TGFA: variants seen among roughly 807,000 people sequenced by gnomAD.
TGFA encodes the protein protransforming growth factor alpha.
A neutral mutation model predicts 21.7 loss-of-function variants in TGFA; 12 were observed. That is an observed-to-expected ratio of 0.55 (90% confidence interval 0.35 to 0.90). The LOEUF is 0.90. Among genes scored for constraint, TGFA ranks in the 40% least tolerant of loss-of-function variants. The probability of loss-of-function intolerance (pLI) is 0.01; values close to 1 mark genes in which losing one functional copy is unlikely to be tolerated. For synonymous variants in TGFA, 79 were observed against 88.1 expected, an observed-to-expected ratio of 0.90 and a Z score of 0.58; for missense variants, 178 against 210.8, an observed-to-expected ratio of 0.84 and a Z score of 0.96.
At chr2:70,505,404 T>C (rs913132182) in intron 2 of TGFA, among the ~76,000 whole-genome samples, 76 of 152,334 alleles carry the variant, frequency 5.0e-4, no homozygotes, top group African/African-American at 1.6e-3. Context: ...CTGGGCTGTT[T>C]CTTTAACAGG....
chr2:70,512,392 C>CG (rs1374425935), intron 2 of TGFA, among the ~76,000 whole-genome samples: 1 of 152,168 alleles, frequency 6.6e-6, no homozygotes, highest in Non-Finnish European at 1.5e-5. Context: ...GCAGCCAACC[C>CG]GGGGGGCTTG....
At chr2:70,525,700 C>A (rs137987353) in intron 1 of TGFA, among the ~76,000 whole-genome samples, 1 of 151,988 alleles carries the variant, frequency 6.6e-6, no homozygotes, top group South Asian at 2.1e-4. Flanking sequence ...GAGGAGTGGA[C>A]GGGGTGGTAC....
At chr2:70,518,172 C>T (rs782644873) in intron 1 of TGFA, among the ~76,000 whole-genome samples, 7 of 152,226 alleles carry the variant, frequency 4.6e-5, no homozygotes, top group Admixed American at 1.3e-4. Context: ...GGTCCTTGCC[C>T]GCCGCAGGCC....
At chr2:70,487,132 AC>A in intron 2 of TGFA, among the ~76,000 whole-genome samples, 1 of 152,344 alleles carries the variant, frequency 6.6e-6, no homozygotes, top group Non-Finnish European at 1.5e-5. Flanking sequence ...ACTTGAGAGA[AC>A]AGAAGAGTAC....
chr2:70,505,638 A>G (rs1317868023), intron 2 of TGFA, among the ~76,000 whole-genome samples: 1 of 152,102 alleles, frequency 6.6e-6, no homozygotes, highest in Non-Finnish European at 1.5e-5. Flanking sequence ...AAAAGACCCT[A>G]AAAGAGGGAT....
At chr2:70,531,872 G>A (rs1223273407) in intron 1 of TGFA, among the ~76,000 whole-genome samples, 3 of 152,162 alleles carry the variant, frequency 2.0e-5, no homozygotes, top group Non-Finnish European at 4.4e-5. Flanking sequence ...AAGGGCAAGA[G>A]GAAAGGTGAA....
chr2:70,532,188 A>G (rs1553503788), intron 1 of TGFA, among the ~76,000 whole-genome samples: 13 of 152,236 alleles, frequency 8.5e-5, no homozygotes, highest in Non-Finnish European at 4.4e-5. Flanking sequence ...CAGGTGATAA[A>G]CAGACCAGTT....
rs574238993 is a variant in TGFA, at chr2:70,449,309, C to T, written c.*1550G>A. The T allele has an allele frequency of 3.3e-5, 5 of 152,382 alleles. No homozygotes were observed. The South Asian group carries it at 6.2e-4, about 19-fold the overall frequency. 9.4% of individuals were successfully genotyped at this position (152,382 alleles called of 1,614,324 possible). A position where few individuals can be genotyped will look rare whatever the true frequency, so the allele number is the denominator to read the frequency against. The stretch of plus-strand genomic sequence containing the variant: ...TAACATATTTTAAATGTACCTTTCA[C>T]GATGTAATAAGCTAGGTGCACTTAA... On this transcript the variant is annotated 3_prime_UTR_variant, in exon 6 of 6. Coordinates refer to ENST00000295400, the MANE Select transcript of TGFA (RefSeq NM_003236.4).
chr2:70,492,864 C>T lies in TGFA; in HGVS notation c.94+21995G>A, dbSNP rs901345836. 2.6e-5 allele frequency among the ~76,000 whole-genome samples: 4 copies of T among 151,976 alleles called. No individual in the cohort carries two copies. The South Asian group carries it at 6.2e-4, about 24-fold the overall frequency. On this transcript the variant is annotated intron_variant, in intron 2 of 5. Coordinates refer to ENST00000295400, the MANE Select transcript of TGFA (RefSeq NM_003236.4). ...AAACAAAGGTGCCTTTCATGTTATTCCCTGATTAAAAAAAACTTTACATTT... is the reference window on the plus strand; with the variant it reads ...AAACAAAGGTGCCTTTCATGTTATTTCCTGATTAAAAAAAACTTTACATTT...
At chr2:70,540,281 T>G (rs1553505075) in intron 1 of TGFA, among the ~76,000 whole-genome samples, 1 of 152,204 alleles carries the variant, frequency 6.6e-6, no homozygotes, top group Non-Finnish European at 1.5e-5. Flanking sequence ...TCTGCCTTAA[T>G]TTTCTAGTGC....
intron 2 of TGFA, among the ~76,000 whole-genome samples, chr2:70,493,152 A>G (rs2103791271): frequency 6.6e-6 from 1 of 152,322 alleles, no homozygotes; most frequent in East Asian, 1.9e-4. Context: ...CCACGTACCA[A>G]GTTATTAAAC....
intron 1 of TGFA, among the ~76,000 whole-genome samples, chr2:70,543,269 C>G (rs782753543): frequency 6.6e-6 from 1 of 150,716 alleles, no homozygotes; most frequent in Non-Finnish European, 1.5e-5. Context: ...GGCTCATGCC[C>G]GTAATCCCAG....
intron 2 of TGFA, among the ~76,000 whole-genome samples, chr2:70,471,034 T>C (rs974863712): frequency 1.3e-5 from 2 of 152,226 alleles, no homozygotes; most frequent in East Asian, 3.9e-4. Flanking sequence ...GAGAGAACCA[T>C]GTAAGTATAC....
At chr2:70,529,248 C>T (rs949092535) in intron 1 of TGFA, among the ~76,000 whole-genome samples, 1 of 152,198 alleles carries the variant, frequency 6.6e-6, no homozygotes, top group Non-Finnish European at 1.5e-5. Flanking sequence ...TCAAGCCAAA[C>T]CTGCCAGGCA....
At chr2:70,525,860 A>C (rs1373362426) in intron 1 of TGFA, among the ~76,000 whole-genome samples, 3 of 152,142 alleles carry the variant, frequency 2.0e-5, no homozygotes, top group African/African-American at 7.2e-5. Context: ...AGGGGGCACT[A>C]CTGGTACTTA....
Position 70,449,821 on chromosome 2 carries a change from ATACT to A in TGFA, c.*1034_*1037del, listed in dbSNP as rs1669995929. 1.1e-5 allele frequency: 2 copies of A among 181,982 alleles called. No individual in the cohort carries two copies. Among genetic ancestry groups the A allele is most frequent in the African/African-American group, 4.7e-5 (2 of 42,426 alleles). 11.3% of individuals were successfully genotyped at this position (181,982 alleles called of 1,614,324 possible). On this transcript the variant is annotated 3_prime_UTR_variant, in exon 6 of 6. Coordinates refer to ENST00000295400, the MANE Select transcript of TGFA (RefSeq NM_003236.4). ...CGTGGCTAATGTTCTATTTCTAAAC[ATACT>A]TACCGAGGGCTCACGAGGAAGTGAA...
intron 1 of TGFA, chr2:70,553,277 G>A: frequency 2.0e-6 from 3 of 1,534,396 alleles, no homozygotes; most frequent in Non-Finnish European, 2.6e-6. Context: ...GTGGGCAGGG[G>A]GTGCCAAAGG....
At chr2:70,460,559 A>ACATT (rs1333108540) in intron 3 of TGFA, among the ~76,000 whole-genome samples, 1 of 152,132 alleles carries the variant, frequency 6.6e-6, no homozygotes, top group Non-Finnish European at 1.5e-5. Flanking sequence ...ACCTGGCTGC[A>ACATT]CATTCCACAG....
chr2:70,502,182 G>A (rs58635657), intron 2 of TGFA, among the ~76,000 whole-genome samples: 42,623 of 152,078 alleles, frequency 0.28, 6,949 homozygotes, highest in East Asian at 0.39. Context: ...TCTCCCATAA[G>A]TAAAGGAAAG....
Sources: allele counts gnomAD v4.1 joint callset (sites outside exome capture counted in the v4.1 genomes callset), GRCh38; gene constraint gnomAD v4.1.1; transcripts MANE v1.5; gene names NCBI Gene and HGNC (gene_info 2026-07-23, HGNC 2026-07-21).